The following CSN1S1 variants were observed in gnomAD, a reference collection of about 807,000 sequenced individuals.
The protein encoded by CSN1S1 is alpha-S1-casein.
A neutral mutation model predicts 49.1 loss-of-function variants in CSN1S1; 63 were observed. The observed-to-expected ratio is 1.28, with a 90% CI of 1.05 to 1.58. The LOEUF is 1.58. Ranked by LOEUF, CSN1S1 falls within the 40% of genes most tolerant of loss-of-function variation. The pLI is 0.00. For missense variants in CSN1S1, 260 were observed against 224.7 expected (o/e 1.16, Z -1.01); for synonymous variants, 78 against 67.1 (o/e 1.16, Z -0.79).
intron 15 of CSN1S1, 58 bp downstream of exon 15, chr4:69,945,062 G>A (rs749395625): frequency 5.8e-6 from 9 of 1,560,122 alleles, no homozygotes; most frequent in Non-Finnish European, 7.9e-6. Context: ...AAATAGAATA[G>A]CTTGGAGAGG....
intron 4 of CSN1S1, among the ~76,000 whole-genome samples, chr4:69,935,314 G>A (rs1722737573): frequency 6.6e-6 from 1 of 151,660 alleles, no homozygotes; most frequent in African/African-American, 2.4e-5. Context: ...TGAGGCAGGA[G>A]GATTGCTTGA....
chr4:69,940,997 G>T, intron 11 of CSN1S1, 22 bp from the exon 12 acceptor site: 1 of 1,368,890 alleles, frequency 7.3e-7, no homozygotes, highest in Non-Finnish European at 1.0e-6. Flanking sequence ...AAGCAATTGA[G>T]AATATTTTTC....
chr4:69,937,369 C>T (rs750748592), intron 8 of CSN1S1, among the ~76,000 whole-genome samples: 3 of 147,364 alleles, frequency 2.0e-5, no homozygotes, highest in Non-Finnish European at 3.0e-5. Context: ...TTGCTGTAGT[C>T]GTGAAAACTG....
chr4:69,931,876 A>C (rs1451299401), intron 1 of CSN1S1, among the ~76,000 whole-genome samples: 1 of 151,922 alleles, frequency 6.6e-6, no homozygotes, highest in Admixed American at 6.6e-5. Context: ...CTGGAAATCA[A>C]ATATAAGACA....
chr4:69,944,987 C>T lies in CSN1S1; in HGVS notation c.540C>T (p.Asn180=), dbSNP rs372654709. The T allele has an allele frequency of 1.3e-4, 204 of 1,612,420 alleles. No individual in the cohort carries two copies. The highest frequency in any genetic ancestry group is 1.2e-4 in the Non-Finnish European group (136 of 1,179,070). ...CTCATGAAAATTATGAAAAAAATAA[C>T]GTCATGCTACAGTGGTGGTAAGTTC... is the stretch of plus-strand genomic sequence containing the variant. ...PTAHENYEKN[N]VMLQW is the part of the protein sequence containing the mutation. Residue 180 remains asparagine (N), a synonymous_variant, in exon 15 of 16, where the codon AAC becomes AAT. Coordinates refer to ENST00000246891, the MANE Select transcript of CSN1S1 (RefSeq NM_001890.2).
chr4:69,937,118 CA>C lies in CSN1S1; in HGVS notation c.196-2del. ...ATACCTAACTGATTGACTGTCTTGGCAGGATACTAGGAATGAGTCTACTCAG... is the reference window on the plus strand; with the variant it reads ...ATACCTAACTGATTGACTGTCTTGGCGGATACTAGGAATGAGTCTACTCAG... On this transcript the variant is annotated splice_acceptor_variant, in intron 7 of 15. Transcript: ENST00000246891. LOFTEE classifies it high-confidence loss of function. 2 of 1,541,352 alleles carry C rather than the reference CA, an allele frequency of 1.3e-6. No homozygotes were observed. Among genetic ancestry groups the C allele is most frequent in the Non-Finnish European group, 1.8e-6 (2 of 1,142,138 alleles).
At chr4:69,932,463 G>T (rs528833390) in intron 1 of CSN1S1, 81 bp from the exon 2 acceptor site, 3 of 1,236,522 alleles carry the variant, frequency 2.4e-6, no homozygotes, top group East Asian at 2.6e-5. Context: ...TTGCTCCTTT[G>T]TTGAAAAATC....
At chr4:69,943,432 G>A (rs1304005037) in intron 14 of CSN1S1, among the ~76,000 whole-genome samples, 2 of 151,760 alleles carry the variant, frequency 1.3e-5, no homozygotes, top group Admixed American at 6.6e-5. Flanking sequence ...TGATCCACTC[G>A]CCTTGGCCTC....
At position 69,936,460 on chromosome 4, in the gene CSN1S1, A is replaced by G. The variant is rs1207558937; in HGVS notation, c.134A>G (p.Tyr45Cys). 2 of 1,556,344 alleles carry G rather than the reference A, an allele frequency of 1.3e-6. No individual in the cohort carries two copies. Among genetic ancestry groups the G allele is most frequent in the Non-Finnish European group, 8.8e-7 (1 of 1,130,326 alleles). The change falls in exon 6 of 16, where the codon TAC (tyrosine) becomes TGC (cysteine). Residue 45 changes from tyrosine to cysteine, a missense_variant. Tyr to Cys is a radical substitution (Grantham distance 194). Coordinates refer to ENST00000246891, the MANE Select transcript of CSN1S1 (RefSeq NM_001890.2). ...GTTTTCTTTTTTATCCCTAAGGAAT[A>G]CATGAATGGTATGAACAGGGTAAGA... ...EPIPLESREEYMNGMNRQRNI... is the reference protein window; with the variant it reads ...EPIPLESREECMNGMNRQRNI...
chr4:69,936,015 A>G, intron 5 of CSN1S1, 66 bp downstream of exon 5: 5 of 1,242,344 alleles, frequency 4.0e-6, no homozygotes, highest in South Asian at 1.4e-5. Flanking sequence ...AGATCAGGAG[A>G]CTCAGAACAG....
intron 4 of CSN1S1, among the ~76,000 whole-genome samples, chr4:69,935,478 C>T (rs187904415): frequency 4.6e-5 from 7 of 151,734 alleles, no homozygotes; most frequent in African/African-American, 1.7e-4. Context: ...TGAGCATGGG[C>T]GGTTAAAGCT....
chr4:69,940,315 T>A (rs757245148), intron 11 of CSN1S1, among the ~76,000 whole-genome samples: 8 of 151,794 alleles, frequency 5.3e-5, no homozygotes, highest in Non-Finnish European at 1.0e-4. Flanking sequence ...GATCTAGATG[T>A]TTTCTTATTC....
At position 69,936,437 on chromosome 4, in the gene CSN1S1, T is replaced by A. The variant is rs1560387076; in HGVS notation, c.130-19T>A. On this transcript the variant is annotated intron_variant, in intron 5 of 15. Transcript: ENST00000246891. ...CTTGTTTCACTAATATTGTTTATGT[T>A]TTCTTTTTTATCCCTAAGGAATACA... 1 of 1,520,074 alleles carries A rather than the reference T, an allele frequency of 6.6e-7. No homozygotes were observed. The highest frequency in any genetic ancestry group is 2.3e-5 in the East Asian group (1 of 44,226). 94.2% of individuals were successfully genotyped at this position (1,520,074 alleles called of 1,614,324 possible).
At chr4:69,937,757 A>G (rs375023203) in intron 8 of CSN1S1, 43 bp from the exon 9 acceptor site, 2 of 1,498,786 alleles carry the variant, frequency 1.3e-6, no homozygotes, top group Non-Finnish European at 1.8e-6. Context: ...GTATTTGACT[A>G]TTTGTCATGA....
At chr4:69,934,753 G>A (rs961721568) in intron 4 of CSN1S1, 43 bp downstream of exon 4, 2 of 1,578,574 alleles carry the variant, frequency 1.3e-6, no homozygotes, top group Non-Finnish European at 1.7e-6. Context: ...TCTTCCTTTT[G>A]CTCTCTTTCA....
intron 8 of CSN1S1, among the ~76,000 whole-genome samples, chr4:69,937,580 T>C (rs1722826827): frequency 6.6e-6 from 1 of 151,630 alleles, no homozygotes; most frequent in East Asian, 1.9e-4. Flanking sequence ...TTTCACTGAT[T>C]TGCTACAATA....
intron 2 of CSN1S1, 109 bp from the exon 3 acceptor site, chr4:69,934,103 C>T (rs1458250793): frequency 1.7e-5 from 12 of 721,626 alleles, no homozygotes; most frequent in East Asian, 6.2e-5. Flanking sequence ...AAACACATAC[C>T]TTTTGAAAAT....
chr4:69,937,973 T>C (rs559380571), intron 9 of CSN1S1, 150 bp downstream of exon 9: 70 of 484,412 alleles, frequency 1.4e-4, no homozygotes, highest in African/African-American at 1.1e-3. Context: ...AAATTAATCC[T>C]ATTCTAATTT....
rs1723168474 is a variant in CSN1S1, at chr4:69,946,379, TAA to T, written c.*185_*186del. 3.4e-6 allele frequency: 1 copy of T among 291,600 alleles called. No individual in the cohort carries two copies. The highest frequency in any genetic ancestry group is 6.7e-6 in the Non-Finnish European group (1 of 150,016). The allele number at this position is 291,600 out of a possible 1,614,324, so 18.1% of individuals were successfully genotyped here. On this transcript the variant is annotated 3_prime_UTR_variant, in exon 16 of 16. Coordinates refer to ENST00000246891, the MANE Select transcript of CSN1S1 (RefSeq NM_001890.2). ...AAATTTTCCTAGAGAGTTTATTGTC[TAA>T]ATTTCAGTTGTGTCTTGCCATATGG... is the stretch of plus-strand genomic sequence containing the variant.
Sources: allele counts gnomAD v4.1 joint callset (sites outside exome capture counted in the v4.1 genomes callset), GRCh38; gene constraint gnomAD v4.1.1; transcripts MANE v1.5; gene names NCBI Gene and HGNC (gene_info 2026-07-23, HGNC 2026-07-21).